Variants in CNTN5 observed in about 807,000 individuals in gnomAD.
The protein encoded by CNTN5 is contactin 5.
Under a neutral mutation model 129.1 loss-of-function variants are expected in CNTN5, and 77 were observed. The ratio of observed to expected loss-of-function variants is 0.60; its 90% CI spans 0.50 to 0.72. CNTN5 has a LOEUF of 0.72. CNTN5 is among the 30% of genes least tolerant of loss of function. The pLI is 0.00. For missense variants in CNTN5, 1,478 were observed against 1,328.8 expected (o/e 1.11, Z -1.75); for synonymous variants, 509 against 465.6 (o/e 1.09, Z -1.20).
intron 13 of CNTN5, among the ~76,000 whole-genome samples, chr11:100,122,848 C>T (rs1233756019): frequency 3.3e-5 from 5 of 151,954 alleles, no homozygotes; most frequent in Admixed American, 3.3e-4. Flanking sequence ...TATTATCATA[C>T]TCATGTTAAC....
chr11:99,764,878 C>A (rs923644672), intron 3 of CNTN5, among the ~76,000 whole-genome samples: 1 of 152,048 alleles, frequency 6.6e-6, no homozygotes, highest in Non-Finnish European at 1.5e-5. Flanking sequence ...TAGCTCAAGT[C>A]TGGGCCAGTG....
At chr11:100,108,270 G>T (rs1945523397) in intron 13 of CNTN5, among the ~76,000 whole-genome samples, 1 of 152,024 alleles carries the variant, frequency 6.6e-6, no homozygotes, top group East Asian at 1.9e-4. Context: ...TATAGCAAAA[G>T]AATGCATAAA....
At chr11:99,859,824 C>A (rs1013338758) in intron 6 of CNTN5, among the ~76,000 whole-genome samples, 3 of 152,052 alleles carry the variant, frequency 2.0e-5, no homozygotes, top group Admixed American at 6.6e-5. Flanking sequence ...GTGCATGGGT[C>A]TTTTTGGTAG....
At chr11:99,733,054 G>A (rs969399019) in intron 3 of CNTN5, among the ~76,000 whole-genome samples, 3 of 152,070 alleles carry the variant, frequency 2.0e-5, no homozygotes, top group Non-Finnish European at 4.4e-5. Flanking sequence ...GGCCGGGCGC[G>A]GTGGCTCACG....
chr11:100,158,030 G>A (rs1226346895), intron 13 of CNTN5, among the ~76,000 whole-genome samples: 1 of 151,486 alleles, frequency 6.6e-6, no homozygotes, highest in Non-Finnish European at 1.5e-5. Flanking sequence ...AGAAGGAAAG[G>A]AAAAGGGAGG....
At chr11:99,412,292 C>T (rs17585580) in intron 2 of CNTN5, among the ~76,000 whole-genome samples, 8,996 of 152,078 alleles carry the variant, frequency 0.059, 383 homozygotes, top group African/African-American at 0.12. Context: ...GTTTCTTATC[C>T]TCAAAATCCA....
intron 9 of CNTN5, among the ~76,000 whole-genome samples, chr11:100,051,002 C>A (rs776875501): frequency 4.6e-5 from 7 of 152,130 alleles, no homozygotes; most frequent in Non-Finnish European, 8.8e-5. Flanking sequence ...GAGATTTTAA[C>A]ACTCTTCTCT....
At chr11:99,731,189 A>T (rs1479113743) in intron 3 of CNTN5, among the ~76,000 whole-genome samples, 1 of 151,860 alleles carries the variant, frequency 6.6e-6, no homozygotes, top group East Asian at 1.9e-4. Flanking sequence ...GCTCACTGCA[A>T]GCTCCGCTTC....
At position 99,590,248 on chromosome 11, in the gene CNTN5, T is replaced by C. The variant is rs545088541; in HGVS notation, c.55+33979T>C. ...CAGAGTACAATTTCAAAAACTACCA[T>C]TGATAATAATAAAAATAGATAAGAA... is the stretch of plus-strand genomic sequence containing the variant. On this transcript the variant is annotated intron_variant, in intron 3 of 24. Coordinates refer to ENST00000524871, the MANE Select transcript of CNTN5 (RefSeq NM_014361.4). Among the ~76,000 whole-genome samples the C allele has an allele frequency of 1.4e-4, 21 of 152,192 alleles. 1 individual carries two copies. Among genetic ancestry groups the C allele is most frequent in the Middle Eastern group, 6.8e-3 (2 of 294 alleles).
intron 1 of CNTN5, among the ~76,000 whole-genome samples, chr11:99,089,220 T>C (rs2135310386): frequency 6.6e-6 from 1 of 152,210 alleles, no homozygotes; most frequent in Admixed American, 6.5e-5. Flanking sequence ...TTTCTATATC[T>C]AGTATACAAA....
chr11:99,145,451 G>A (rs1044444612), intron 1 of CNTN5, among the ~76,000 whole-genome samples: 1 of 151,884 alleles, frequency 6.6e-6, no homozygotes, highest in Non-Finnish European at 1.5e-5. Flanking sequence ...GGTGGGTGGT[G>A]TCATGTAGTC....
intron 1 of CNTN5, among the ~76,000 whole-genome samples, chr11:99,319,072 A>G (rs1011201727): frequency 5.3e-5 from 8 of 152,150 alleles, no homozygotes; most frequent in African/African-American, 1.2e-4. Context: ...TTTTTATGCT[A>G]TAGGCTCTGT....
chr11:99,842,135 T>C (rs962421631), intron 4 of CNTN5, among the ~76,000 whole-genome samples: 1 of 152,056 alleles, frequency 6.6e-6, no homozygotes, highest in Non-Finnish European at 1.5e-5. Flanking sequence ...CCTCAGATGA[T>C]GCACCCACCT....
Position 99,560,046 on chromosome 11 carries a change from G to A in CNTN5, c.55+3777G>A, listed in dbSNP as rs113602800. On this transcript the variant is annotated intron_variant, in intron 3 of 24. Coordinates refer to ENST00000524871, the MANE Select transcript of CNTN5 (RefSeq NM_014361.4). ...ACAGATCAGTGATTGCCAGGGTCAG[G>A]GAGAAGGTTGAATGGGTAAATGAAG... Among the ~76,000 whole-genome samples, 781 of 152,208 alleles carry A rather than the reference G, an allele frequency of 5.1e-3. 8 individuals are homozygous for A. Among genetic ancestry groups the A allele is most frequent in the African/African-American group, 0.018 (740 of 41,558 alleles).
At chr11:99,837,387 C>G (rs189152926) in intron 4 of CNTN5, among the ~76,000 whole-genome samples, 1 of 152,100 alleles carries the variant, frequency 6.6e-6, no homozygotes, top group Non-Finnish European at 1.5e-5. Flanking sequence ...GAATGAAGTG[C>G]TCTCCATACA....
intron 18 of CNTN5, among the ~76,000 whole-genome samples, chr11:100,273,852 T>C (rs1256413227): frequency 6.6e-6 from 1 of 152,194 alleles, no homozygotes; most frequent in African/African-American, 2.4e-5. Flanking sequence ...TTGACATTCT[T>C]CACTGAACTA....
chr11:99,058,224 A>G (rs1864718066), intron 1 of CNTN5, among the ~76,000 whole-genome samples: 1 of 152,016 alleles, frequency 6.6e-6, no homozygotes, highest in South Asian at 2.1e-4. Flanking sequence ...AACCCTTTGG[A>G]AAGAATGTTC....
At chr11:99,650,340 A>G (rs1952107778) in intron 3 of CNTN5, among the ~76,000 whole-genome samples, 1 of 151,790 alleles carries the variant, frequency 6.6e-6, no homozygotes, top group Non-Finnish European at 1.5e-5. Context: ...GTAGGCATGA[A>G]CTCTAAGCAA....
At chr11:99,317,799 C>T (rs542144112) in intron 1 of CNTN5, among the ~76,000 whole-genome samples, 73 of 151,788 alleles carry the variant, frequency 4.8e-4, no homozygotes, top group African/African-American at 1.6e-3. Flanking sequence ...TATTTAAGAG[C>T]CCTTCTACAA....
Sources: gnomAD v4.1 joint callset for allele counts (sites outside exome capture counted in the v4.1 genomes callset) on GRCh38, gnomAD v4.1.1 for gene constraint, MANE v1.5 for transcripts, NCBI Gene and HGNC (gene_info 2026-07-23, HGNC 2026-07-21) for gene names.